Variants in ABI1 observed in about 807,000 individuals in gnomAD.
The protein encoded by ABI1 is abl interactor 1.
Under a neutral mutation model 54.6 loss-of-function variants are expected in ABI1, and 14 were observed. That is an observed-to-expected ratio of 0.26 (90% confidence interval 0.17 to 0.40). The LOEUF is 0.40. Ranked by LOEUF, ABI1 falls within the 10% of genes least tolerant of loss-of-function variation. The pLI, the probability that ABI1 is intolerant of heterozygous loss-of-function variation, is 1.00. For missense variants in ABI1, 443 were observed against 598.3 expected, an observed-to-expected ratio of 0.74 and a Z score of 2.71; for synonymous variants, 194 against 209.3, an observed-to-expected ratio of 0.93 and a Z score of 0.63.
intron 2 of ABI1, among the ~76,000 whole-genome samples, chr10:26,812,898 G>A (rs1588954497): frequency 6.6e-6 from 1 of 152,096 alleles, no homozygotes; most frequent in East Asian, 1.9e-4. Context: ...TTTGTTGGCG[G>A]GGGGACACAC....
At chr10:26,839,826 T>G in intron 1 of ABI1, 1 of 698,016 alleles carries the variant, frequency 1.4e-6, no homozygotes, top group Non-Finnish European at 2.6e-6. Flanking sequence ...AAGTTTGCAC[T>G]TTAAAGATGG....
At chr10:26,856,017 T>C (rs1428100919) in intron 1 of ABI1, among the ~76,000 whole-genome samples, 1 of 143,728 alleles carries the variant, frequency 7.0e-6, no homozygotes, top group East Asian at 2.0e-4. Flanking sequence ...CTGGGCATGG[T>C]GGCTCACACC....
chr10:26,856,307 T>G (rs564339529), intron 1 of ABI1, among the ~76,000 whole-genome samples: 1 of 151,322 alleles, frequency 6.6e-6, no homozygotes, highest in Admixed American at 6.6e-5. Flanking sequence ...CAGGATTAAT[T>G]AGATGGAATT....
At chr10:26,771,016 G>A in intron 4 of ABI1, 59 bp downstream of exon 4, 1 of 1,566,598 alleles carries the variant, frequency 6.4e-7, no homozygotes, top group Non-Finnish European at 8.8e-7. Flanking sequence ...TAGTGGCTCT[G>A]CAGCCTCTAT....
At chr10:26,830,397 G>T (rs2048587448) in intron 1 of ABI1, among the ~76,000 whole-genome samples, 1 of 152,078 alleles carries the variant, frequency 6.6e-6, no homozygotes, top group African/African-American at 2.4e-5. Flanking sequence ...CATGGCGAGA[G>T]GACTGCTTAA....
At chr10:26,822,173 T>TAC in intron 2 of ABI1, among the ~76,000 whole-genome samples, 1 of 152,102 alleles carries the variant, frequency 6.6e-6, no homozygotes, top group South Asian at 2.1e-4. Context: ...TATATATATA[T>TAC]ACATACACAC....
At chr10:26,758,933 A>G in intron 8 of ABI1, 129 bp downstream of exon 8, 1 of 1,010,574 alleles carries the variant, frequency 9.9e-7, no homozygotes, top group Non-Finnish European at 1.4e-6. Flanking sequence ...CTAATATCCT[A>G]AAACAAAAAT....
At chr10:26,818,631 C>CAAAGAAAAAAA (rs2047747619) in intron 2 of ABI1, among the ~76,000 whole-genome samples, 1 of 73,092 alleles carries the variant, frequency 1.4e-5, no homozygotes, top group Non-Finnish European at 2.6e-5. Context: ...GACCCCGTCA[C>CAAAGAAAAAAA]AAAAAAAAAA....
intron 2 of ABI1, among the ~76,000 whole-genome samples, chr10:26,800,341 C>T (rs978889318): frequency 6.6e-5 from 10 of 151,980 alleles, no homozygotes; most frequent in South Asian, 2.1e-4. Context: ...GCCAAGATCG[C>T]GCCACTGCAC....
At chr10:26,841,390 C>T (rs2049488403) in intron 1 of ABI1, among the ~76,000 whole-genome samples, 1 of 141,548 alleles carries the variant, frequency 7.1e-6, no homozygotes, top group African/African-American at 2.6e-5. Flanking sequence ...TATCAACCCA[C>T]ATAGTTACCT....
intron 1 of ABI1, among the ~76,000 whole-genome samples, chr10:26,855,477 C>T (rs147788650): frequency 6.6e-6 from 1 of 152,182 alleles, no homozygotes; most frequent in Non-Finnish European, 1.5e-5. Context: ...CAAAACTTAA[C>T]TTTTATGAGT....
intron 1 of ABI1, among the ~76,000 whole-genome samples, chr10:26,827,598 T>TG (rs1180633852): frequency 2.7e-5 from 4 of 148,788 alleles, no homozygotes; most frequent in African/African-American, 7.4e-5. Flanking sequence ...TGTTTTTTGT[T>TG]TTTTTTTTTT....
intron 2 of ABI1, among the ~76,000 whole-genome samples, chr10:26,810,286 G>A (rs2047146186): frequency 6.6e-6 from 1 of 152,144 alleles, no homozygotes; most frequent in Non-Finnish European, 1.5e-5. Flanking sequence ...CTGGGGATAT[G>A]GTAGGAATGA....
chr10:26,787,863 TAA>T (rs771095970), intron 2 of ABI1, among the ~76,000 whole-genome samples: 25 of 133,330 alleles, frequency 1.9e-4, no homozygotes, highest in Non-Finnish European at 2.6e-4. Context: ...ACCCACTGGT[TAA>T]AAAAAAAAAA....
chr10:26,859,200 T>C (rs118043274), intron 1 of ABI1, among the ~76,000 whole-genome samples: 2,414 of 152,166 alleles, frequency 0.016, 46 homozygotes, highest in African/African-American at 0.049. Flanking sequence ...GTGGCAGGCA[T>C]TCAACAAGTT....
intron 2 of ABI1, among the ~76,000 whole-genome samples, chr10:26,802,357 T>C (rs989776183): frequency 2.1e-4 from 32 of 152,166 alleles, no homozygotes; most frequent in African/African-American, 7.7e-4. Flanking sequence ...CAATATATAA[T>C]ATAAACTAAA....
rs397724445 is a variant in ABI1 at position 26,851,348 on chromosome 10, A to ATTTTTTTTTTTTTTTTTTTTTTTTT, written c.117+9374_117+9398dup. Among the ~76,000 whole-genome samples, 5 of 67,816 alleles carry ATTTTTTTTTTTTTTTTTTTTTTTTT rather than the reference A, an allele frequency of 7.4e-5. 1 individual carries two copies. The highest frequency in any genetic ancestry group is 3.2e-4 in the African/African-American group (5 of 15,522). 44.5% of individuals were successfully genotyped at this position (67,816 alleles called of 152,430 possible). A position where few individuals can be genotyped will look rare whatever the true frequency, so the allele number is the denominator to read the frequency against. ...GTAGCTGGGACTACAGACTAAGCTAATTTTTTTTTTTTTTTTTTTTTTTTT... is the reference window on the plus strand; with the variant it reads ...GTAGCTGGGACTACAGACTAAGCTAATTTTTTTTTTTTTTTTTTTTTTTTTTTTTTTTTTTTTTTTTTTTTTTTTT... On this transcript the variant is annotated intron_variant, in intron 1 of 10. Transcript: ENST00000376140.
At chr10:26,798,056 A>G (rs939150692) in intron 2 of ABI1, among the ~76,000 whole-genome samples, 8 of 152,184 alleles carry the variant, frequency 5.3e-5, no homozygotes, top group African/African-American at 1.9e-4. Flanking sequence ...CCAAAACTAA[A>G]GAGAGTAAAG....
chr10:26,788,570 A>G (rs1842987559), intron 2 of ABI1, among the ~76,000 whole-genome samples: 1 of 152,194 alleles, frequency 6.6e-6, no homozygotes, highest in South Asian at 2.1e-4. Flanking sequence ...GCCACTGGCA[A>G]TACAATTTTT....
Sources: gnomAD v4.1 joint callset for allele counts (sites outside exome capture counted in the v4.1 genomes callset) on GRCh38, gnomAD v4.1.1 for gene constraint, MANE v1.5 for transcripts, NCBI Gene and HGNC (gene_info 2026-07-23, HGNC 2026-07-21) for gene names.